The following SNX19 variants were observed in gnomAD, a reference collection of about 807,000 sequenced individuals.
SNX19 encodes the protein sorting nexin 19, also known as sorting nexin-19.
Under a neutral mutation model 85.2 loss-of-function variants are expected in SNX19, and 60 were observed. The observed-to-expected ratio is 0.70, with a 90% confidence interval of 0.57 to 0.87. The LOEUF (loss-of-function observed/expected upper bound fraction) is 0.87. Among genes scored for constraint, SNX19 ranks in the 40% least tolerant of loss-of-function variants. SNX19 has a pLI of 0.00. For synonymous variants in SNX19, 520 were observed against 470.0 expected, an observed-to-expected ratio of 1.11 and a Z score of -1.38; for missense variants, 1,201 against 1,217.8, an observed-to-expected ratio of 0.99 and a Z score of 0.21.
chr11:130,879,534 T>C (rs1943503264), intron 10 of SNX19, 90 bp downstream of exon 10: 1 of 1,090,932 alleles, frequency 9.2e-7, no homozygotes, highest in Non-Finnish European at 1.4e-6. Context: ...TTCTTTGGAA[T>C]GTGGGCTTTT....
intron 7 of SNX19, among the ~76,000 whole-genome samples, chr11:130,905,391 T>C (rs191991603): frequency 7.2e-5 from 11 of 152,346 alleles, no homozygotes; most frequent in Non-Finnish European, 1.5e-4. Flanking sequence ...TACATTTCAG[T>C]TGCCCTGTGG....
chr11:130,882,512 T>C (rs1471538055), intron 8 of SNX19, among the ~76,000 whole-genome samples: 1 of 152,200 alleles, frequency 6.6e-6, no homozygotes, highest in Non-Finnish European at 1.5e-5. Flanking sequence ...GTGTGTAAGG[T>C]AATAGCAGGG....
At position 130,880,770 on chromosome 11, in the gene SNX19, T is replaced by G. The variant is rs369046356; in HGVS notation, c.2610A>C (p.Pro870=). The part of the protein sequence containing the change: ...LEVQVANLTS[P]QRWVQYLLLL... ...GCAGGAGGTACTGCACCCAGCGCTG[T>G]GGACTTGTTAAATTAGCTACCTGCA... The change falls in exon 9 of 11, where the codon CCA becomes CCC. Residue 870 remains proline, a synonymous_variant. Coordinates refer to ENST00000265909, the MANE Select transcript of SNX19 (RefSeq NM_014758.3). 3.2e-5 allele frequency: 51 copies of G among 1,580,276 alleles called. No homozygotes were observed. The highest frequency in any genetic ancestry group is 4.2e-5 in the Non-Finnish European group (49 of 1,155,000).
chr11:130,911,209 AAG>A (rs1406445399), intron 2 of SNX19, among the ~76,000 whole-genome samples: 21 of 74,620 alleles, frequency 2.8e-4, no homozygotes, highest in Admixed American at 4.7e-4. Flanking sequence ...AAAAAAAAAA[AAG>A]GTTCCCCATG....
chr11:130,911,919 A>C, intron 1 of SNX19, 148 bp from the exon 2 acceptor site: 1 of 723,190 alleles, frequency 1.4e-6, no homozygotes, highest in Non-Finnish European at 2.2e-6. Context: ...CTGTTCCAGA[A>C]CCTCCTATAT....
intron 7 of SNX19, among the ~76,000 whole-genome samples, chr11:130,903,716 TACACACACACACACACACAC>T (rs35654790): frequency 1.4e-5 from 2 of 143,332 alleles, no homozygotes; most frequent in Non-Finnish European, 3.0e-5. Context: ...TATATACACA[TACACACACACACACACACAC>T]ACACACACAC....
chr11:130,892,070 C>T (rs560950563), intron 8 of SNX19, among the ~76,000 whole-genome samples: 3 of 151,508 alleles, frequency 2.0e-5, no homozygotes, highest in Admixed American at 1.3e-4. Flanking sequence ...TCTGAAACTC[C>T]TGACCTCAAA....
chr11:130,877,403 C>G lies in SNX19; in HGVS notation c.*1019G>C, dbSNP rs1449459330. On this transcript the variant is annotated 3_prime_UTR_variant, in exon 11 of 11. Coordinates refer to ENST00000265909, the MANE Select transcript of SNX19 (RefSeq NM_014758.3). ...ACCGTAAGGAATGGGAAATAAGAAGCTATTCCTTGTAAGTTTGCTAATCTT... is the reference window on the plus strand; with the variant it reads ...ACCGTAAGGAATGGGAAATAAGAAGGTATTCCTTGTAAGTTTGCTAATCTT... The G allele has an allele frequency of 6.6e-6, 1 of 152,176 alleles. No individual in the cohort carries two copies. Among genetic ancestry groups the G allele is most frequent in the Non-Finnish European group, 1.5e-5 (1 of 68,022 alleles). The allele number at this position is 152,176 out of a possible 1,614,324, so 9.4% of individuals were successfully genotyped here.
Position 130,906,627 on chromosome 11 carries a change from C to G in SNX19, c.2260G>C (p.Val754Leu), listed in dbSNP as rs1041696207. ...ATTCTCTGGGTTTTGGTTCTTACCA[C>G]ATTGCCTTCCTGGAGACAATAAAGA... is the stretch of plus-strand genomic sequence containing the variant. ...KILYCLQEGN[V>L]ESETLSMSAM... is the part of the protein sequence containing the mutation. Residue 754 changes from valine (V) to leucine (L), a missense_variant and splice_region_variant, in exon 6 of 11, where the codon GTG (valine) becomes CTG (leucine). Around this residue, in one of 3 missense-constraint regions of SNX19, gnomAD observed 285 missense variants for 295.3 expected, o/e 0.97. Coordinates refer to ENST00000265909, the MANE Select transcript of SNX19 (RefSeq NM_014758.3). The G allele has an allele frequency of 6.2e-7, 1 of 1,609,442 alleles. No individual in the cohort carries two copies. Among genetic ancestry groups the G allele is most frequent in the Non-Finnish European group, 8.5e-7 (1 of 1,176,042 alleles).
rs1026952212 is a variant in SNX19 at position 130,874,957 on chromosome 11, G to A, written c.*3465C>T. On this transcript the variant is annotated 3_prime_UTR_variant, in exon 11 of 11. Transcript: ENST00000265909. ...TAGTCACTATGGAAAACAGTATGAA[G>A]GTCTTCAAAGAATTAAAAACAGAAC... 2.6e-5 allele frequency among the ~76,000 whole-genome samples: 4 copies of A among 152,168 alleles called. No homozygotes were observed. The highest frequency in any genetic ancestry group is 9.7e-5 in the African/African-American group (4 of 41,446).
intron 7 of SNX19, chr11:130,905,582 G>A (rs1945601497): frequency 4.9e-6 from 6 of 1,233,392 alleles, no homozygotes; most frequent in East Asian, 5.4e-5. Flanking sequence ...AAGAAGCCAC[G>A]AAAAAGGCAT....
Position 130,915,086 on chromosome 11 carries a change from G to A in SNX19, c.854C>T (p.Pro285Leu), listed in dbSNP as rs769687361. ...CAGTGGCAGAGATGTCGGCACTGAGGGCTGTTCGGGGGCACTGGCTGGGCA... is the reference window on the plus strand; with the variant it reads ...CAGTGGCAGAGATGTCGGCACTGAGAGCTGTTCGGGGGCACTGGCTGGGCA... ...APCPASAPEQ[P>L]SVPTSLPLIA... is the part of the protein sequence containing the mutation. The change falls in exon 1 of 11, where the codon CCC becomes CTC. Residue 285 changes from proline to leucine, a missense_variant. Transcript: ENST00000265909. The A allele has an allele frequency of 1.1e-5, 18 of 1,613,860 alleles. No individual in the cohort carries two copies. Among genetic ancestry groups the A allele is most frequent in the Non-Finnish European group, 1.4e-5 (16 of 1,179,936 alleles).
chr11:130,910,439 C>T, intron 2 of SNX19, 69 bp from the exon 3 acceptor site: 1 of 1,163,866 alleles, frequency 8.6e-7, no homozygotes, highest in South Asian at 1.4e-5. Context: ...CCATATAAAA[C>T]ATATAAAGAA....
intron 8 of SNX19, among the ~76,000 whole-genome samples, chr11:130,891,467 T>A (rs1357972855): frequency 1.3e-5 from 2 of 152,180 alleles, no homozygotes; most frequent in Non-Finnish European, 2.9e-5. Flanking sequence ...GTAGCTTATG[T>A]TTGGTCAATT....
intron 8 of SNX19, among the ~76,000 whole-genome samples, chr11:130,889,701 AT>A (rs1029971581): frequency 6.6e-6 from 1 of 151,898 alleles, no homozygotes; most frequent in Admixed American, 6.6e-5. Flanking sequence ...CTTTATCTGA[AT>A]TTTTTTGTCA....
chr11:130,911,364 C>G (rs1195852103), intron 2 of SNX19: 2 of 997,444 alleles, frequency 2.0e-6, no homozygotes, highest in Non-Finnish European at 2.5e-6. Context: ...CACCAACTTA[C>G]AGGCACAGGT....
In SNX19 at chr11:130,869,968, G is replaced by A. The variant is rs1358224179; in HGVS notation, c.*8454C>T. On this transcript the variant is annotated 3_prime_UTR_variant, in exon 11 of 11. Transcript: ENST00000265909. ...GAAGTTCCATAAGAATAGGAGAAAT[G>A]ACAGATATGAAGAGTTTTTTGAAGA... 6.6e-6 allele frequency: 1 copy of A among 151,448 alleles called. No individual in the cohort carries two copies. Among genetic ancestry groups the A allele is most frequent in the East Asian group, 1.9e-4 (1 of 5,180 alleles). The allele number at this position is 151,448 out of a possible 1,614,324, so 9.4% of individuals were successfully genotyped here.
In SNX19 at chr11:130,868,991, T is replaced by C. The variant is rs964271818; in HGVS notation, c.*9431A>G. On this transcript the variant is annotated 3_prime_UTR_variant, in exon 11 of 11. Transcript: ENST00000265909. ...GCAAAGTCTGTTACATGCCTGTCAC[T>C]GGGCTATGCACCCGAGGATGGAGGC... 1.6e-4 allele frequency: 24 copies of C among 152,338 alleles called. No individual in the cohort carries two copies. The highest frequency in any genetic ancestry group is 1.4e-3 in the Admixed American group (22 of 15,312). 9.4% of individuals were successfully genotyped at this position (152,338 alleles called of 1,614,324 possible).
At chr11:130,911,539 T>C in intron 2 of SNX19, 94 bp downstream of exon 2, 1 of 1,570,532 alleles carries the variant, frequency 6.4e-7, no homozygotes, top group Non-Finnish European at 8.6e-7. Flanking sequence ...GAAACGGCAT[T>C]CTCCTCCCCG....
Sources: gnomAD v4.1 joint callset for allele counts (sites outside exome capture counted in the v4.1 genomes callset) on GRCh38, gnomAD v4.1.1 for gene constraint, gnomAD v4.1.1 regional missense constraint, MANE v1.5 for transcripts, NCBI Gene and HGNC (gene_info 2026-07-23, HGNC 2026-07-21) for gene names.